The following GABRB1 variants were observed in gnomAD, a reference collection of about 807,000 sequenced individuals.
The protein encoded by GABRB1 is gamma-aminobutyric acid receptor subunit beta-1.
GABRB1 carries 17 observed loss-of-function variants against 51.6 expected under a neutral mutation model. The observed-to-expected ratio is 0.33, with a 90% CI of 0.23 to 0.49. The LOEUF (loss-of-function observed/expected upper bound fraction) is 0.49. Ranked by LOEUF, GABRB1 falls within the 20% of genes least tolerant of loss-of-function variation. The pLI is 0.99. For missense variants in GABRB1, 410 were observed against 600.6 expected (o/e 0.68, Z 3.32); for synonymous variants, 247 against 218.9 (o/e 1.13, Z -1.14).
At chr4:47,070,944 T>C (rs1277366073) in intron 3 of GABRB1, among the ~76,000 whole-genome samples, 1 of 152,200 alleles carries the variant, frequency 6.6e-6, no homozygotes, top group Non-Finnish European at 1.5e-5. Flanking sequence ...CATTTATTTG[T>C]CTAATACGCA....
intron 3 of GABRB1, among the ~76,000 whole-genome samples, chr4:47,093,002 G>A (rs1376778155): frequency 6.6e-6 from 1 of 152,160 alleles, no homozygotes; most frequent in Non-Finnish European, 1.5e-5. Flanking sequence ...AAAAAGAGAT[G>A]AGTAACATAC....
intron 5 of GABRB1, among the ~76,000 whole-genome samples, chr4:47,334,593 CTTA>C (rs1725624592): frequency 6.6e-6 from 1 of 152,102 alleles, no homozygotes; most frequent in African/African-American, 2.4e-5. Flanking sequence ...GTAGAAAGGA[CTTA>C]TTTTAACAAA....
intron 3 of GABRB1, among the ~76,000 whole-genome samples, chr4:47,038,199 T>G (rs984365732): frequency 1.2e-4 from 18 of 152,180 alleles, no homozygotes; most frequent in Non-Finnish European, 2.4e-4. Flanking sequence ...CAAGAATTTA[T>G]TGAGTTCCCA....
At chr4:47,368,349 T>C (rs1003440524) in intron 5 of GABRB1, among the ~76,000 whole-genome samples, 6 of 152,018 alleles carry the variant, frequency 3.9e-5, no homozygotes, top group African/African-American at 7.3e-5. Context: ...AAGCCTGTGG[T>C]TTTTCAACTG....
intron 3 of GABRB1, among the ~76,000 whole-genome samples, chr4:47,039,146 A>C (rs1426391205): frequency 6.6e-6 from 1 of 151,908 alleles, no homozygotes; most frequent in Non-Finnish European, 1.5e-5. Flanking sequence ...GCCACAAGAA[A>C]AAACTGAAAG....
In GABRB1 at chr4:47,403,731, G is replaced by A. The variant is rs777029610; in HGVS notation, c.835+20G>A. 13 of 1,606,534 alleles carry A rather than the reference G, an allele frequency of 8.1e-6. No individual in the cohort carries two copies. Among genetic ancestry groups the A allele is most frequent in the Non-Finnish European group, 1.1e-5 (13 of 1,178,472 alleles). ...CACTAGGTAATACATTCTCAGCACT[G>A]CAGAGAGCTAACAGATTTTACTTTC... On this transcript the variant is annotated intron_variant, in intron 7 of 8. Coordinates refer to ENST00000295454, the MANE Select transcript of GABRB1 (RefSeq NM_000812.4).
intron 5 of GABRB1, among the ~76,000 whole-genome samples, chr4:47,337,892 C>G (rs2109983545): frequency 3.3e-5 from 5 of 149,678 alleles, no homozygotes; most frequent in Admixed American, 3.3e-4. Flanking sequence ...ACAGTCCTTA[C>G]TGCATTTTAA....
At chr4:47,140,044 A>C (rs1294057717) in intron 3 of GABRB1, among the ~76,000 whole-genome samples, 1 of 151,044 alleles carries the variant, frequency 6.6e-6, no homozygotes, top group Non-Finnish European at 1.5e-5. Flanking sequence ...ACACTATAGA[A>C]TTGTGGAAGA....
rs143910075 is a variant in GABRB1 at position 47,102,809 on chromosome 4, A to G, written c.241-58440A>G. 3.9e-3 allele frequency among the ~76,000 whole-genome samples: 595 copies of G among 152,102 alleles called. 2 individuals are homozygous for G. Among genetic ancestry groups the G allele is most frequent in the Non-Finnish European group, 6.2e-3 (424 of 67,946 alleles). On this transcript the variant is annotated intron_variant, in intron 3 of 8. Coordinates refer to ENST00000295454, the MANE Select transcript of GABRB1 (RefSeq NM_000812.4). ...TTGGTACTTGAGCTACATTCATAAGACTAGGTTGAAAAAAGTTAAAACTAG... is the reference window on the plus strand; with the variant it reads ...TTGGTACTTGAGCTACATTCATAAGGCTAGGTTGAAAAAAGTTAAAACTAG...
chr4:47,065,443 A>G (rs1190361775), intron 3 of GABRB1, among the ~76,000 whole-genome samples: 1 of 152,272 alleles, frequency 6.6e-6, no homozygotes, highest in East Asian at 1.9e-4. Context: ...CTCATCACTC[A>G]CAATGATAGC....
intron 4 of GABRB1, among the ~76,000 whole-genome samples, chr4:47,193,559 C>T (rs776670269): frequency 6.6e-6 from 1 of 152,216 alleles, no homozygotes; most frequent in Non-Finnish European, 1.5e-5. Flanking sequence ...CCAAATATCT[C>T]ACAGAGTTTT....
chr4:47,249,531 T>C (rs1721899533), intron 4 of GABRB1, among the ~76,000 whole-genome samples: 1 of 151,988 alleles, frequency 6.6e-6, no homozygotes, highest in African/African-American at 2.4e-5. Context: ...TTACATTTGT[T>C]TAAATCACTA....
At chr4:47,358,721 C>A (rs1340368115) in intron 5 of GABRB1, among the ~76,000 whole-genome samples, 1 of 152,150 alleles carries the variant, frequency 6.6e-6, no homozygotes, top group African/African-American at 2.4e-5. Flanking sequence ...GAAGTTAGAA[C>A]TCCAACATAT....
intron 8 of GABRB1, among the ~76,000 whole-genome samples, chr4:47,412,760 G>A (rs1193142216): frequency 6.6e-6 from 1 of 152,146 alleles, no homozygotes; most frequent in Non-Finnish European, 1.5e-5. Flanking sequence ...CTGGTCTGTG[G>A]TGAAATGCAA....
intron 5 of GABRB1, among the ~76,000 whole-genome samples, chr4:47,356,633 G>C (rs1317274831): frequency 6.6e-6 from 1 of 152,142 alleles, no homozygotes; most frequent in African/African-American, 2.4e-5. Flanking sequence ...ATGCTAGTTT[G>C]ACATGGCAGA....
intron 3 of GABRB1, among the ~76,000 whole-genome samples, chr4:47,092,454 T>G (rs1577900517): frequency 6.6e-6 from 1 of 151,912 alleles, no homozygotes; most frequent in South Asian, 2.1e-4. Flanking sequence ...ATTACAGGCA[T>G]CAGCCACTGC....
At chr4:47,379,347 A>G (rs573903902) in intron 5 of GABRB1, among the ~76,000 whole-genome samples, 23 of 152,322 alleles carry the variant, frequency 1.5e-4, no homozygotes, top group Admixed American at 8.5e-4. Context: ...TTGAGTACCA[A>G]TACAGCCATT....
intron 5 of GABRB1, among the ~76,000 whole-genome samples, chr4:47,351,605 T>G (rs1158924278): frequency 7.7e-6 from 1 of 129,116 alleles, no homozygotes; most frequent in Admixed American, 9.3e-5. Context: ...TTCCCCTTCC[T>G]GTGTCCATGT....
intron 1 of GABRB1, among the ~76,000 whole-genome samples, chr4:47,011,635 A>G (rs1056510819): frequency 3.9e-5 from 6 of 152,158 alleles, no homozygotes; most frequent in African/African-American, 9.7e-5. Context: ...CATGAGTTTG[A>G]TTAAGCCTTG....
Sources: allele counts gnomAD v4.1 joint callset (sites outside exome capture counted in the v4.1 genomes callset), GRCh38; gene constraint gnomAD v4.1.1; transcripts MANE v1.5; gene names NCBI Gene and HGNC (gene_info 2026-07-23, HGNC 2026-07-21).